The following AFF3 variants were observed in gnomAD, a reference collection of about 807,000 sequenced individuals.
The protein encoded by AFF3 is ALF transcription elongation factor 3.
Under a neutral mutation model 129.7 loss-of-function variants are expected in AFF3, and 32 were observed. The observed-to-expected ratio is 0.25, with a 90% CI of 0.19 to 0.33. The LOEUF is 0.33. Among genes scored for constraint, AFF3 ranks in the 10% least tolerant of loss-of-function variants. AFF3 has a pLI of 1.00. For synonymous variants in AFF3, 644 were observed against 635.4 expected (o/e 1.01, Z -0.20); for missense variants, 1,373 against 1,592.0 (o/e 0.86, Z 2.34).
At chr2:99,617,840 AAGGCAG>A (rs1163609176) in intron 13 of AFF3, among the ~76,000 whole-genome samples, 1 of 152,214 alleles carries the variant, frequency 6.6e-6, no homozygotes, top group African/African-American at 2.4e-5. Flanking sequence ...ATGTCTACAG[AAGGCAG>A]AGCAGAGGGG....
Position 99,565,551 on chromosome 2 carries a change from C to G in AFF3, c.3055G>C (p.Glu1019Gln). 6.2e-7 allele frequency: 1 copy of G among 1,614,202 alleles called. No homozygotes were observed. The highest frequency in any genetic ancestry group is 8.5e-7 in the Non-Finnish European group (1 of 1,180,048). The change falls in exon 20 of 25, where the codon GAA (glutamate) becomes CAA (glutamine). Residue 1019 changes from glutamate (E) to glutamine (Q), a missense_variant. Coordinates refer to ENST00000672756, the MANE Select transcript of AFF3 (RefSeq NM_001386135.1). ...LSFIECGNAM[E>Q]QGPMESKSPY... is the part of the protein sequence containing the mutation. ...GATTTGGATTCCATGGGGCCTTGTTCCATTGCATTTCCACACTCGATAAAC... is the reference window on the plus strand; with the variant it reads ...GATTTGGATTCCATGGGGCCTTGTTGCATTGCATTTCCACACTCGATAAAC...
Position 99,547,670 on chromosome 2 carries a change from A to C in AFF3, c.*3804T>G, listed in dbSNP as rs1674130173. 1 of 210,474 alleles carries C rather than the reference A, an allele frequency of 4.8e-6. No homozygotes were observed. The highest frequency in any genetic ancestry group is 1.9e-4 in the South Asian group (1 of 5,344). The allele number at this position is 210,474 out of a possible 1,614,324, so 13.0% of individuals were successfully genotyped here. A position where few individuals can be genotyped will look rare whatever the true frequency, so the allele number is the denominator to read the frequency against. On this transcript the variant is annotated 3_prime_UTR_variant, in exon 25 of 25. Coordinates refer to ENST00000672756, the MANE Select transcript of AFF3 (RefSeq NM_001386135.1). ...ATTACTGCACTTCCAAGTTGATGCG[A>C]ACACGCAGTGACTCATACTCAATAT...
intron 4 of AFF3, among the ~76,000 whole-genome samples, chr2:100,019,743 C>T (rs577524604): frequency 2.0e-4 from 31 of 152,194 alleles, no homozygotes; most frequent in Non-Finnish European, 3.7e-4. Flanking sequence ...GGCTCGGTTC[C>T]GCAGTCAGCA....
chr2:99,626,382 CCCTCCCTTCTT>C (rs1682557711), intron 13 of AFF3, among the ~76,000 whole-genome samples: 2 of 145,252 alleles, frequency 1.4e-5, no homozygotes, highest in East Asian at 2.1e-4. Context: ...CTTCCTTCCT[CCCTCCCTTCTT>C]CCTCCCTTCC....
rs192656702 is a variant in AFF3, at chr2:100,018,124, G to C, written c.54-9192C>G. Among the ~76,000 whole-genome samples, 383 of 152,124 alleles carry C rather than the reference G, an allele frequency of 2.5e-3. 3 individuals are homozygous for C. The highest frequency in any genetic ancestry group is 0.022 in the Admixed American group (334 of 15,278). On this transcript the variant is annotated intron_variant, in intron 4 of 24. Coordinates refer to ENST00000672756, the MANE Select transcript of AFF3 (RefSeq NM_001386135.1). ...ATTCAAATGACACAGCACTAGCAGT[G>C]AACTAATACTCTAGTCCCTACATTT...
chr2:99,660,740 C>G (rs958760039), intron 12 of AFF3, among the ~76,000 whole-genome samples: 9 of 152,160 alleles, frequency 5.9e-5, no homozygotes, highest in Admixed American at 1.3e-4. Flanking sequence ...GTGCAGATGA[C>G]CATATCTGGG....
At chr2:100,137,857 A>G (rs1354976816) in intron 1 of AFF3, among the ~76,000 whole-genome samples, 1 of 152,110 alleles carries the variant, frequency 6.6e-6, no homozygotes, top group Non-Finnish European at 1.5e-5. Context: ...AATAATATCC[A>G]TTACTGTGAT....
In AFF3 at chr2:100,104,476, C is replaced by T. The variant is rs1238961744; in HGVS notation, c.-22G>A. ...CCATGGTGGGAGGTGTCAGCGTCGC[C>T]GCCGCCGCTACCGCCGCCGCCGAGG... is the stretch of plus-strand genomic sequence containing the variant. On this transcript the variant is annotated 5_prime_UTR_variant, in exon 4 of 25. Coordinates refer to ENST00000672756, the MANE Select transcript of AFF3 (RefSeq NM_001386135.1). 7.7e-7 allele frequency: 1 copy of T among 1,304,764 alleles called. No homozygotes were observed. The highest frequency in any genetic ancestry group is 1.0e-6 in the Non-Finnish European group (1 of 1,001,816). The allele number at this position is 1,304,764 out of a possible 1,614,324, so 80.8% of individuals were successfully genotyped here.
rs1384598214 is a variant in AFF3, at chr2:99,582,932, A to T, written c.2659T>A (p.Ser887Thr). 1 of 1,614,160 alleles carries T rather than the reference A, an allele frequency of 6.2e-7. No homozygotes were observed. Among genetic ancestry groups the T allele is most frequent in the Admixed American group, 1.7e-5 (1 of 60,020 alleles). The change falls in exon 17 of 25, where the codon TCT (serine) becomes ACT (threonine). Residue 887 changes from serine (S) to threonine (T), a missense_variant. Ser to Thr is a moderately conservative substitution (Grantham distance 58). Transcript: ENST00000672756. ...RSPISPLSDA[S>T]KHKYTSEDLT... ...TCCTCGCTGGTGTATTTGTGTTTAGATGCATCAGAGAGGGGTGAGATGGGC... is the reference window on the plus strand; with the variant it reads ...TCCTCGCTGGTGTATTTGTGTTTAGTTGCATCAGAGAGGGGTGAGATGGGC...
intron 8 of AFF3, among the ~76,000 whole-genome samples, chr2:99,811,089 G>A (rs1379363765): frequency 4.6e-5 from 7 of 152,192 alleles, no homozygotes; most frequent in Admixed American, 2.0e-4. Flanking sequence ...CATGGTCTGC[G>A]GATTAGGACA....
chr2:99,795,603 G>A (rs1008335459), intron 8 of AFF3, among the ~76,000 whole-genome samples: 1 of 152,036 alleles, frequency 6.6e-6, no homozygotes, highest in Admixed American at 6.6e-5. Flanking sequence ...AGGAAAACTA[G>A]CACTTCTGTC....
chr2:100,128,544 T>G (rs1692294814), intron 2 of AFF3, among the ~76,000 whole-genome samples: 1 of 152,162 alleles, frequency 6.6e-6, no homozygotes, highest in South Asian at 2.1e-4. Flanking sequence ...CTCTTCAAAC[T>G]CATGCCACTG....
In AFF3 at chr2:100,121,828, C is replaced by T. The variant is rs551908216; in HGVS notation, c.-145+7396G>A. Among the ~76,000 whole-genome samples, 9 of 151,422 alleles carry T rather than the reference C, an allele frequency of 5.9e-5. No individual in the cohort carries two copies. In the South Asian group the frequency reaches 1.7e-3, roughly 28 times the overall value. On this transcript the variant is annotated intron_variant, in intron 2 of 24. Coordinates refer to ENST00000672756, the MANE Select transcript of AFF3 (RefSeq NM_001386135.1). Reference sequence around the variant, plus strand: ...CTGTAATCCCAGCACTTTGGGAGGCCGAGGCGGGTGGATCATGAGGTCAGG... The same window carrying T: ...CTGTAATCCCAGCACTTTGGGAGGCTGAGGCGGGTGGATCATGAGGTCAGG...
At chr2:99,966,423 G>A in intron 7 of AFF3, among the ~76,000 whole-genome samples, 1 of 151,982 alleles carries the variant, frequency 6.6e-6, no homozygotes, top group Non-Finnish European at 1.5e-5. Context: ...GGGCGCGGTG[G>A]CTCACGCCTG....
intron 14 of AFF3, among the ~76,000 whole-genome samples, chr2:99,596,581 C>T (rs182364736): frequency 2.7e-3 from 416 of 152,136 alleles, no homozygotes; most frequent in African/African-American, 9.4e-3. Flanking sequence ...CACACACACA[C>T]ACGGCAGAAC....
At chr2:99,557,172 C>T (rs781169751) in intron 22 of AFF3, among the ~76,000 whole-genome samples, 2 of 151,776 alleles carry the variant, frequency 1.3e-5, no homozygotes, top group Non-Finnish European at 2.9e-5. Context: ...CATAAGTACA[C>T]GCAATTTGTT....
intron 11 of AFF3, among the ~76,000 whole-genome samples, chr2:99,704,998 GA>G (rs1459830927): frequency 6.6e-6 from 1 of 152,052 alleles, no homozygotes; most frequent in African/African-American, 2.4e-5. Flanking sequence ...GAAGGTAGAG[GA>G]AAAAAACCAA....
intron 7 of AFF3, among the ~76,000 whole-genome samples, chr2:99,952,530 G>C (rs986436567): frequency 6.6e-6 from 1 of 152,248 alleles, no homozygotes; most frequent in Non-Finnish European, 1.5e-5. Flanking sequence ...GCCCTGCCTT[G>C]GCTGACCTCC....
At chr2:99,755,236 C>T (rs1319297674) in intron 8 of AFF3, among the ~76,000 whole-genome samples, 1 of 151,976 alleles carries the variant, frequency 6.6e-6, no homozygotes, top group Non-Finnish European at 1.5e-5. Flanking sequence ...TCCAAAATTG[C>T]CTCCTGCCCT....
Sources: gnomAD v4.1 joint callset for allele counts (sites outside exome capture counted in the v4.1 genomes callset) on GRCh38, gnomAD v4.1.1 for gene constraint, MANE v1.5 for transcripts, NCBI Gene and HGNC (gene_info 2026-07-23, HGNC 2026-07-21) for gene names.